Variants in RBM33 observed in about 807,000 individuals in gnomAD.
The protein encoded by RBM33 is RNA-binding protein 33.
A neutral mutation model predicts 132.6 loss-of-function variants in RBM33; 28 were observed. The ratio of observed to expected loss-of-function variants is 0.21; its 90% CI spans 0.16 to 0.29. RBM33 has a LOEUF of 0.29. Among genes scored for constraint, RBM33 ranks in the 10% least tolerant of loss-of-function variants. The probability of loss-of-function intolerance (pLI) is 1.00; values close to 1 mark genes in which losing one functional copy is unlikely to be tolerated. For missense variants in RBM33, 1,291 were observed against 1,518.5 expected, an observed-to-expected ratio of 0.85 and a Z score of 2.49; for synonymous variants, 634 against 593.0, an observed-to-expected ratio of 1.07 and a Z score of -1.01.
intron 9 of RBM33, among the ~76,000 whole-genome samples, chr7:155,727,547 G>A (rs984827803): frequency 6.6e-5 from 10 of 152,220 alleles, no homozygotes; most frequent in African/African-American, 1.9e-4. Flanking sequence ...GACACTGTGC[G>A]CTTCATGAGA....
rs144985184 is a variant in RBM33, at chr7:155,652,019, C to T, written c.43+7100C>T. On this transcript the variant is annotated intron_variant, in intron 1 of 17. Coordinates refer to ENST00000401878, the MANE Select transcript of RBM33 (RefSeq NM_053043.3). Reference sequence around the variant, plus strand: ...GGCTATTCAGAACTTACTAGTTATGCTGTAAGGCTCATATGTTCACTTCGA... The same window carrying T: ...GGCTATTCAGAACTTACTAGTTATGTTGTAAGGCTCATATGTTCACTTCGA... Among the ~76,000 whole-genome samples, 630 of 152,286 alleles carry T rather than the reference C, an allele frequency of 4.1e-3. 8 individuals are homozygous for T. Among genetic ancestry groups the T allele is most frequent in the African/African-American group, 0.014 (597 of 41,542 alleles).
At chr7:155,692,873 G>T (rs188975886) in intron 5 of RBM33, among the ~76,000 whole-genome samples, 1 of 152,292 alleles carries the variant, frequency 6.6e-6, no homozygotes, top group Admixed American at 6.5e-5. Context: ...GTATTTGTTT[G>T]CAGCATTGAA....
At chr7:155,654,109 CTTA>C (rs563128289) in intron 1 of RBM33, among the ~76,000 whole-genome samples, 110 of 152,268 alleles carry the variant, frequency 7.2e-4, no homozygotes, top group African/African-American at 2.4e-3. Context: ...AAAAACCAAA[CTTA>C]TTAACTTCTA....
intron 3 of RBM33, among the ~76,000 whole-genome samples, chr7:155,675,419 A>G (rs926294933): frequency 2.0e-5 from 3 of 152,144 alleles, no homozygotes; most frequent in African/African-American, 7.2e-5. Flanking sequence ...TAATGGCAAC[A>G]TAACATTGAA....
chr7:155,780,780 C>T lies in RBM33; in HGVS notation c.*5739C>T, dbSNP rs1802794212. The T allele has an allele frequency of 6.6e-6, 1 of 152,502 alleles. No homozygotes were observed. The highest frequency in any genetic ancestry group is 6.5e-5 in the Admixed American group (1 of 15,274). 9.4% of individuals were successfully genotyped at this position (152,502 alleles called of 1,614,324 possible). A position where few individuals can be genotyped will look rare whatever the true frequency, so the allele number is the denominator to read the frequency against. On this transcript the variant is annotated 3_prime_UTR_variant, in exon 18 of 18. Transcript: ENST00000401878. ...GCTGACGATTTTCACACTGTGTTTA[C>T]CACTCCATCACCTCTCAACCTTTGC...
intron 5 of RBM33, among the ~76,000 whole-genome samples, chr7:155,696,709 C>A (rs1257347412): frequency 6.6e-6 from 1 of 152,116 alleles, no homozygotes; most frequent in South Asian, 2.1e-4. Flanking sequence ...AAATGATGAA[C>A]CATGTTCCAG....
intron 5 of RBM33, 96 bp downstream of exon 5, chr7:155,681,004 G>T: frequency 3.0e-6 from 3 of 992,764 alleles, no homozygotes; most frequent in Non-Finnish European, 4.4e-6. Flanking sequence ...CCCTGGGAGG[G>T]AGGGGAAATT....
At position 155,745,741 on chromosome 7, in the gene RBM33, G is replaced by A. The variant is rs1305016649; in HGVS notation, c.2979+139G>A. On this transcript the variant is annotated intron_variant, in intron 14 of 17. Coordinates refer to ENST00000401878, the MANE Select transcript of RBM33 (RefSeq NM_053043.3). This position sits in a 1 kb window ranked among gnomAD's most constrained non-coding sequence, Gnocchi z 4.1. ...TGTAACCAATCTCTACCTACTTGAA[G>A]TTGGTATAAGAATTGCCGCTTGACG... 1.2e-6 allele frequency: 1 copy of A among 863,344 alleles called. No homozygotes were observed. Among genetic ancestry groups the A allele is most frequent in the Admixed American group, 3.0e-5 (1 of 32,868 alleles). The allele number at this position is 863,344 out of a possible 1,614,324, so 53.5% of individuals were successfully genotyped here.
At chr7:155,650,868 T>A (rs1798334678) in intron 1 of RBM33, among the ~76,000 whole-genome samples, 1 of 152,046 alleles carries the variant, frequency 6.6e-6, no homozygotes, top group African/African-American at 2.4e-5. Flanking sequence ...CTTCTTTTTG[T>A]TGTTGTTGTT....
At chr7:155,765,242 A>G (rs982458188) in intron 15 of RBM33, among the ~76,000 whole-genome samples, 2 of 152,364 alleles carry the variant, frequency 1.3e-5, no homozygotes, top group African/African-American at 4.8e-5. Context: ...ATAAGTAGGC[A>G]TTTGTTAGAG....
At chr7:155,714,932 G>T (rs184890245) in intron 8 of RBM33, among the ~76,000 whole-genome samples, 1 of 151,950 alleles carries the variant, frequency 6.6e-6, no homozygotes, top group African/African-American at 2.4e-5. Context: ...TGTAAGGGAG[G>T]GGGGCGCCTC....
chr7:155,771,609 T>C (rs999251993), intron 16 of RBM33, among the ~76,000 whole-genome samples: 4 of 152,234 alleles, frequency 2.6e-5, no homozygotes, highest in African/African-American at 7.2e-5. Context: ...TATTGTATGA[T>C]TGGCAGCCTG....
chr7:155,767,588 A>G (rs922966056), intron 16 of RBM33, among the ~76,000 whole-genome samples: 5 of 152,242 alleles, frequency 3.3e-5, no homozygotes, highest in Admixed American at 6.5e-5. Flanking sequence ...GTTCCTAAAA[A>G]TGAATAGATG....
At chr7:155,683,280 C>G (rs1229578223) in intron 5 of RBM33, among the ~76,000 whole-genome samples, 2 of 152,184 alleles carry the variant, frequency 1.3e-5, no homozygotes, top group Admixed American at 6.5e-5. Context: ...CAATGGGAGC[C>G]TCTCTCTGTC....
At chr7:155,750,910 C>T (rs181031685) in intron 14 of RBM33, among the ~76,000 whole-genome samples, 102 of 152,170 alleles carry the variant, frequency 6.7e-4, no homozygotes, top group Non-Finnish European at 1.3e-3. Flanking sequence ...ACAGAATGCC[C>T]CCGCAGGAAA....
intron 9 of RBM33, among the ~76,000 whole-genome samples, chr7:155,735,784 T>A (rs1585506195): frequency 6.6e-6 from 1 of 152,114 alleles, no homozygotes; most frequent in South Asian, 2.1e-4. Flanking sequence ...ATTATATCAG[T>A]GAATTTTCAA....
At chr7:155,748,908 A>G (rs1801605813) in intron 14 of RBM33, among the ~76,000 whole-genome samples, 2 of 152,028 alleles carry the variant, frequency 1.3e-5, no homozygotes, top group African/African-American at 4.8e-5. Context: ...TTGAAAAGTG[A>G]CTATGCAGAT....
At chr7:155,692,316 A>G (rs1273675776) in intron 5 of RBM33, among the ~76,000 whole-genome samples, 2 of 152,170 alleles carry the variant, frequency 1.3e-5, no homozygotes, top group African/African-American at 2.4e-5. Flanking sequence ...CATTGTCAGG[A>G]GACAGTTTTC....
At chr7:155,660,545 T>G (rs1798612238) in intron 1 of RBM33, among the ~76,000 whole-genome samples, 1 of 152,258 alleles carries the variant, frequency 6.6e-6, no homozygotes, top group African/African-American at 2.4e-5. Flanking sequence ...GATTTGGGAC[T>G]CTTTGAGCAC....
Sources: gnomAD v4.1 joint callset for allele counts (sites outside exome capture counted in the v4.1 genomes callset) on GRCh38, gnomAD v4.1.1 for gene constraint, Gnocchi (gnomAD v3.1) non-coding constraint, MANE v1.5 for transcripts, NCBI Gene and HGNC (gene_info 2026-07-23, HGNC 2026-07-21) for gene names.